ABL1: variants seen among roughly 807,000 people sequenced by gnomAD.
The protein encoded by ABL1 is tyrosine-protein kinase ABL1.
Under a neutral mutation model 94.7 loss-of-function variants are expected in ABL1, and 11 were observed. The observed-to-expected ratio is 0.12, with a 90% confidence interval of 0.07 to 0.19. The LOEUF (loss-of-function observed/expected upper bound fraction) is 0.19, where lower values mean the gene tolerates loss of function less well. ABL1 is among the 10% of genes least tolerant of loss of function. ABL1 has a pLI of 1.00. For missense variants in ABL1, 1,082 were observed against 1,489.4 expected (o/e 0.73, Z 4.50); for synonymous variants, 656 against 622.4 (o/e 1.05, Z -0.80).
intron 1 of ABL1, among the ~76,000 whole-genome samples, chr9:130,782,217 C>T (rs1453294535): frequency 1.3e-5 from 2 of 152,018 alleles, no homozygotes; most frequent in East Asian, 3.9e-4. Context: ...CGCCACCATG[C>T]CTGGCCAATT....
chr9:130,811,775 G>A (rs1308928525), intron 1 of ABL1, among the ~76,000 whole-genome samples: 1 of 151,904 alleles, frequency 6.6e-6, no homozygotes, highest in Non-Finnish European at 1.5e-5. Flanking sequence ...CGGGCATGGT[G>A]GTGGCACCTG....
At position 130,863,160 on chromosome 9, in the gene ABL1, A is replaced by G. The variant is rs970309021; in HGVS notation, c.822+125A>G. 1.7e-6 allele frequency: 2 copies of G among 1,160,730 alleles called. No individual in the cohort carries two copies. The highest frequency in any genetic ancestry group is 3.1e-5 in the African/African-American group (2 of 64,194). The allele number at this position is 1,160,730 out of a possible 1,614,324, so 71.9% of individuals were successfully genotyped here. A position where few individuals can be genotyped will look rare whatever the true frequency, so the allele number is the denominator to read the frequency against. ...CCGAGGGCTTCATTGGCGCCACGGA[A>G]TTGACTTTTCCGTCTTATATCATTC... On this transcript the variant is annotated intron_variant, in intron 4 of 10. Transcript: ENST00000318560. The surrounding 1 kb of genome is among the most constrained non-coding windows in gnomAD (Gnocchi z 4.3).
chr9:130,861,949 G>A (rs1359067459), intron 3 of ABL1, among the ~76,000 whole-genome samples: 1 of 152,210 alleles, frequency 6.6e-6, no homozygotes, highest in Non-Finnish European at 1.5e-5. Context: ...CAGCTCTGTT[G>A]TGTCCAGATG....
At chr9:130,793,732 T>C (rs1487979955) in intron 1 of ABL1, among the ~76,000 whole-genome samples, 1 of 152,112 alleles carries the variant, frequency 6.6e-6, no homozygotes, top group Admixed American at 6.5e-5. Context: ...GTCTGTGGCC[T>C]GTTAGGAACC....
intron 1 of ABL1, among the ~76,000 whole-genome samples, chr9:130,820,017 C>T (rs1297983200): frequency 1.3e-5 from 2 of 151,936 alleles, no homozygotes; most frequent in African/African-American, 4.8e-5. Flanking sequence ...TCTTTGGTGA[C>T]TTCTGCTTGT....
rs762935028 is a variant in ABL1, at chr9:130,854,049, C to T, written c.80-15C>T. ...CTTCCTTTTTCTTTTTTCTGTTCCC[C>T]CCTTTCTCTTCCAGAAGCCCTTCAG... is the stretch of plus-strand genomic sequence containing the variant. On this transcript the variant is annotated splice_polypyrimidine_tract_variant and intron_variant, in intron 1 of 10. Transcript: ENST00000318560. 1 of 1,587,004 alleles carries T rather than the reference C, an allele frequency of 6.3e-7. No individual in the cohort carries two copies. The highest frequency in any genetic ancestry group is 1.2e-5 in the South Asian group (1 of 86,720).
chr9:130,836,352 T>C (rs1178892272), intron 1 of ABL1, among the ~76,000 whole-genome samples: 3 of 152,102 alleles, frequency 2.0e-5, no homozygotes, highest in Non-Finnish European at 4.4e-5. Flanking sequence ...GTTTTATAAA[T>C]GGAAAAAAAG....
chr9:130,717,858 A>T (rs920271788), intron 1 of ABL1, among the ~76,000 whole-genome samples: 2 of 151,958 alleles, frequency 1.3e-5, no homozygotes, highest in Non-Finnish European at 2.9e-5. Context: ...TACCAAAAGT[A>T]AAAAATTAGC....
intron 1 of ABL1, among the ~76,000 whole-genome samples, chr9:130,784,252 C>T (rs999779529): frequency 6.6e-5 from 10 of 152,230 alleles, no homozygotes; most frequent in South Asian, 2.1e-4. Context: ...TAATATTCTA[C>T]GAATATACAA....
chr9:130,763,556 T>C (rs2855171), intron 1 of ABL1, among the ~76,000 whole-genome samples: 121,738 of 152,116 alleles, frequency 0.8, 49,502 homozygotes, highest in African/African-American at 0.95. Context: ...TCAGAGTCAT[T>C]TGAAGGCTTA....
intron 4 of ABL1, among the ~76,000 whole-genome samples, chr9:130,864,797 G>C (rs1831129351): frequency 6.6e-6 from 1 of 152,192 alleles, no homozygotes; most frequent in Admixed American, 6.5e-5. Flanking sequence ...TTGAAGACCA[G>C]ACCCAAGAAA....
chr9:130,725,554 A>G lies in ABL1; in HGVS notation c.136+11099A>G, dbSNP rs1315132425. ...TGCCACCATGCCTGGCTAATTTTGTATTTTTAGTAGAGATGGGGTTTCTCC... is the reference window on the plus strand; with the variant it reads ...TGCCACCATGCCTGGCTAATTTTGTGTTTTTAGTAGAGATGGGGTTTCTCC... On this transcript the variant is annotated intron_variant, in intron 1 of 10. Coordinates refer to the ABL1 transcript ENST00000372348. Among the ~76,000 whole-genome samples the G allele has an allele frequency of 1.3e-5, 2 of 151,366 alleles. 1 individual carries two copies. The highest frequency in any genetic ancestry group is 4.9e-5 in the African/African-American group (2 of 41,144).
chr9:130,736,719 G>A (rs562793840), intron 1 of ABL1, among the ~76,000 whole-genome samples: 2 of 152,252 alleles, frequency 1.3e-5, no homozygotes, highest in South Asian at 4.1e-4. Flanking sequence ...TCAAACTTCC[G>A]ATCTCAGGTG....
intron 1 of ABL1, among the ~76,000 whole-genome samples, chr9:130,807,166 T>C (rs992983468): frequency 3.3e-5 from 5 of 152,070 alleles, no homozygotes; most frequent in African/African-American, 1.2e-4. Flanking sequence ...AAAAGTTTGC[T>C]TTTATATTTC....
chr9:130,850,413 T>C (rs1180313475), intron 1 of ABL1, among the ~76,000 whole-genome samples: 3 of 152,204 alleles, frequency 2.0e-5, no homozygotes, highest in African/African-American at 4.8e-5. Flanking sequence ...CCTCCATCTG[T>C]AGGAAATTGA....
At position 130,814,826 on chromosome 9, in the gene ABL1, G is replaced by C. The variant is rs1160151296; in HGVS notation, c.137-39238G>C. 6.6e-6 allele frequency among the ~76,000 whole-genome samples: 1 copy of C among 151,894 alleles called. No individual in the cohort carries two copies. Among genetic ancestry groups the C allele is most frequent in the Admixed American group, 6.6e-5 (1 of 15,228 alleles). ...TGGGAGGCGGAGCTTGCAGTGAGCC[G>C]AGATTGCACCACTGCACTCCAGCCT... On this transcript the variant is annotated intron_variant, in intron 1 of 10. Transcript: ENST00000372348. The surrounding 1 kb of genome is among the most constrained non-coding windows in gnomAD (Gnocchi z 4.4).
chr9:130,785,928 TAAAAAAAAAAAAAA>T (rs34333699), intron 1 of ABL1, among the ~76,000 whole-genome samples: 1 of 56,690 alleles, frequency 1.8e-5, no homozygotes, highest in Non-Finnish European at 3.6e-5. Context: ...GTCTCAAAAC[TAAAAAAAAAAAAAA>T]AAAAAAAAAA....
At chr9:130,875,192 A>G in intron 7 of ABL1, 140 bp downstream of exon 7, 1 of 938,356 alleles carries the variant, frequency 1.1e-6, no homozygotes, top group Non-Finnish European at 1.5e-6. Flanking sequence ...CCCAGGCTGG[A>G]GTGCAGTGGT....
rs548126171 is a variant in ABL1, at chr9:130,714,566, T to A, written c.136+111T>A. On this transcript the variant is annotated intron_variant, in intron 1 of 10. Coordinates refer to the ABL1 transcript ENST00000372348. Reference sequence around the variant, plus strand: ...GACAGTTCCTTCCAATTCCACTTAATAAATTTGTTACTGTAGTTATCTCTT... The same window carrying A: ...GACAGTTCCTTCCAATTCCACTTAAAAAATTTGTTACTGTAGTTATCTCTT... 3 of 1,416,050 alleles carry A rather than the reference T, an allele frequency of 2.1e-6. No individual in the cohort carries two copies. In the East Asian group the frequency reaches 6.8e-5, roughly 32 times the overall value. 87.7% of individuals were successfully genotyped at this position (1,416,050 alleles called of 1,614,324 possible).
Sources: gnomAD v4.1 joint callset for allele counts (sites outside exome capture counted in the v4.1 genomes callset) on GRCh38, gnomAD v4.1.1 for gene constraint, Gnocchi (gnomAD v3.1) non-coding constraint, MANE v1.5 for transcripts, NCBI Gene and HGNC (gene_info 2026-07-23, HGNC 2026-07-21) for gene names.